NWD2: variants seen among roughly 807,000 people sequenced by gnomAD.
NWD2 encodes the protein NACHT and WD repeat domain containing 2, also known as NACHT and WD repeat domain-containing protein 2.
NWD2 carries 37 observed loss-of-function variants against 132.7 expected under a neutral mutation model. The observed-to-expected ratio is 0.28, with a 90% CI of 0.21 to 0.37. The LOEUF is 0.37. Ranked by LOEUF, NWD2 falls within the 10% of genes least tolerant of loss-of-function variation. The pLI is 1.00. For missense variants in NWD2, 1,592 were observed against 2,122.4 expected, an observed-to-expected ratio of 0.75 and a Z score of 4.91; for synonymous variants, 705 against 803.0, an observed-to-expected ratio of 0.88 and a Z score of 2.06.
chr4:37,375,630 G>A (rs1274406332), intron 3 of NWD2, among the ~76,000 whole-genome samples: 7 of 150,060 alleles, frequency 4.7e-5, no homozygotes, highest in Admixed American at 3.4e-4. Flanking sequence ...GTGCAGTGGG[G>A]CGATCTCGGC....
chr4:37,409,496 A>T (rs185755644), intron 3 of NWD2, among the ~76,000 whole-genome samples: 25 of 152,236 alleles, frequency 1.6e-4, no homozygotes, highest in Middle Eastern at 3.4e-3. Flanking sequence ...ACTCCAAGAA[A>T]TATGGGAGTA....
intron 3 of NWD2, among the ~76,000 whole-genome samples, chr4:37,409,914 T>A (rs1721120484): frequency 6.6e-6 from 1 of 152,094 alleles, no homozygotes; most frequent in East Asian, 1.9e-4. Flanking sequence ...CTAAGCTTCA[T>A]AAGAAAAGGA....
In NWD2 at chr4:37,447,818, C is replaced by T. The variant is rs1712678195; in HGVS notation, c.*601C>T. 6.5e-6 allele frequency: 1 copy of T among 152,774 alleles called. No individual in the cohort carries two copies. Among genetic ancestry groups the T allele is most frequent in the Non-Finnish European group, 1.5e-5 (1 of 68,506 alleles). The allele number at this position is 152,774 out of a possible 1,614,324, so 9.5% of individuals were successfully genotyped here. On this transcript the variant is annotated 3_prime_UTR_variant, in exon 7 of 7. Coordinates refer to ENST00000309447, the MANE Select transcript of NWD2 (RefSeq NM_001144990.2). ...ACTGGACTGGGACAAGAACTAACTA[C>T]CACTATCATAGGGCTACTGAACATG...
intron 1 of NWD2, among the ~76,000 whole-genome samples, chr4:37,310,712 C>G (rs1284048381): frequency 2.7e-5 from 4 of 150,840 alleles, no homozygotes; most frequent in Non-Finnish European, 5.9e-5. Flanking sequence ...ATACATGTGC[C>G]ATGCTGGTGT....
At chr4:37,264,098 A>G (rs1717702391) in intron 1 of NWD2, among the ~76,000 whole-genome samples, 1 of 152,118 alleles carries the variant, frequency 6.6e-6, no homozygotes, top group Non-Finnish European at 1.5e-5. Flanking sequence ...ATCAGAGGAG[A>G]GTTTTGGACC....
intron 6 of NWD2, among the ~76,000 whole-genome samples, chr4:37,441,160 A>T (rs1308501098): frequency 6.6e-6 from 1 of 152,196 alleles, no homozygotes; most frequent in Non-Finnish European, 1.5e-5. Flanking sequence ...TTTTCTGCTT[A>T]TGTTAGAAGA....
intron 1 of NWD2, among the ~76,000 whole-genome samples, chr4:37,253,985 T>C (rs867629046): frequency 1.3e-5 from 2 of 152,042 alleles, no homozygotes; most frequent in Non-Finnish European, 1.5e-5. Flanking sequence ...AACTTATAAA[T>C]GGGAGCTAAA....
In NWD2 at chr4:37,340,265, A is replaced by G. The variant is rs191002112; in HGVS notation, c.240+14241A>G. On this transcript the variant is annotated intron_variant, in intron 2 of 6. Transcript: ENST00000309447. ...CTTTGCAGAGCTGTTCTGTGTATCA[A>G]CAGGCCCACCTAAACTCTCTGAAGG... is the stretch of plus-strand genomic sequence containing the variant. 1.4e-3 allele frequency among the ~76,000 whole-genome samples: 212 copies of G among 152,252 alleles called. 1 individual carries two copies. Among genetic ancestry groups the G allele is most frequent in the African/African-American group, 4.6e-3 (190 of 41,542 alleles).
chr4:37,312,841 G>A (rs193033533), intron 1 of NWD2, among the ~76,000 whole-genome samples: 8 of 151,192 alleles, frequency 5.3e-5, no homozygotes, highest in Non-Finnish European at 7.4e-5. Context: ...TAGCATGAAG[G>A]GTTGTTGAAT....
In NWD2 at chr4:37,381,606, G is replaced by A. The variant is rs550356959; in HGVS notation, c.357+25124G>A. Among the ~76,000 whole-genome samples, 266 of 152,274 alleles carry A rather than the reference G, an allele frequency of 1.7e-3. 1 individual carries two copies. Among genetic ancestry groups the A allele is most frequent in the Non-Finnish European group, 3.0e-3 (203 of 68,018 alleles). On this transcript the variant is annotated intron_variant, in intron 3 of 6. Coordinates refer to ENST00000309447, the MANE Select transcript of NWD2 (RefSeq NM_001144990.2). ...TTTTATCCTCTGAAAGCTCCAAACA[G>A]GACAGAAATACACAATTATGAAATT...
rs73807492 is a variant in NWD2 at position 37,324,828 on chromosome 4, G to A, written c.152-1108G>A. Reference sequence around the variant, plus strand: ...ATTGGTTATTTGCTTCTCAAAATAGGCTTGAGAACAGTAGGAAAATAGAGT... The same window carrying A: ...ATTGGTTATTTGCTTCTCAAAATAGACTTGAGAACAGTAGGAAAATAGAGT... On this transcript the variant is annotated intron_variant, in intron 1 of 6. Transcript: ENST00000309447. 4.9e-3 allele frequency among the ~76,000 whole-genome samples: 752 copies of A among 152,246 alleles called. 5 individuals are homozygous for A. The highest frequency in any genetic ancestry group is 0.017 in the African/African-American group (723 of 41,544).
chr4:37,245,259 C>T (rs905537634), intron 1 of NWD2, 41 bp downstream of exon 1: 10 of 1,501,370 alleles, frequency 6.7e-6, no homozygotes, highest in African/African-American at 5.6e-5. Flanking sequence ...TCCTTCTGTC[C>T]GTCAGCGCTG....
chr4:37,386,941 C>T (rs1436386863), intron 3 of NWD2, among the ~76,000 whole-genome samples: 1 of 152,168 alleles, frequency 6.6e-6, no homozygotes, highest in African/African-American at 2.4e-5. Flanking sequence ...TGAAGCCTCA[C>T]CAGAAGCAGA....
chr4:37,304,501 T>A (rs902950754), intron 1 of NWD2, among the ~76,000 whole-genome samples: 1 of 152,210 alleles, frequency 6.6e-6, no homozygotes, highest in African/African-American at 2.4e-5. Flanking sequence ...GGCAAGTCTC[T>A]TCCACCTATA....
At chr4:37,441,462 T>A (rs1031039336) in intron 6 of NWD2, among the ~76,000 whole-genome samples, 2 of 152,150 alleles carry the variant, frequency 1.3e-5, no homozygotes, top group African/African-American at 4.8e-5. Context: ...GAAACAAATA[T>A]CGTTCAATTT....
chr4:37,429,176 C>T (rs1410371471), intron 3 of NWD2, among the ~76,000 whole-genome samples: 2 of 152,014 alleles, frequency 1.3e-5, no homozygotes, highest in Non-Finnish European at 2.9e-5. Context: ...CAAAGATAGC[C>T]CTTAATAACC....
At chr4:37,393,028 G>C (rs1485490469) in intron 3 of NWD2, among the ~76,000 whole-genome samples, 1 of 152,168 alleles carries the variant, frequency 6.6e-6, no homozygotes, top group African/African-American at 2.4e-5. Flanking sequence ...AGTGAACAGC[G>C]CCTGGGAGCA....
intron 5 of NWD2, 148 bp from the exon 6 acceptor site, chr4:37,438,653 G>A (rs1209547939): frequency 8.7e-6 from 5 of 576,150 alleles, no homozygotes; most frequent in African/African-American, 1.9e-5. Flanking sequence ...AAGACAAATA[G>A]GAAATCAAGA....
rs770302832 is a variant in NWD2, at chr4:37,447,863, A to G, written c.*646A>G. 2.0e-5 allele frequency: 3 copies of G among 152,254 alleles called. No homozygotes were observed. Among genetic ancestry groups the G allele is most frequent in the Non-Finnish European group, 4.4e-5 (3 of 68,054 alleles). The allele number at this position is 152,254 out of a possible 1,614,324, so 9.4% of individuals were successfully genotyped here. A position where few individuals can be genotyped will look rare whatever the true frequency, so the allele number is the denominator to read the frequency against. ...AACATGGAGAGTCAGTCTTTATTAA[A>G]AGACAGTTGCAACAATTGCATGCGA... On this transcript the variant is annotated 3_prime_UTR_variant, in exon 7 of 7. Coordinates refer to ENST00000309447, the MANE Select transcript of NWD2 (RefSeq NM_001144990.2).
Sources: gnomAD v4.1 joint callset for allele counts (sites outside exome capture counted in the v4.1 genomes callset) on GRCh38, gnomAD v4.1.1 for gene constraint, MANE v1.5 for transcripts, NCBI Gene and HGNC (gene_info 2026-07-23, HGNC 2026-07-21) for gene names.